ATG10: variants seen among roughly 807,000 people sequenced by gnomAD.
The protein encoded by ATG10 is ubiquitin-like-conjugating enzyme ATG10.
In ATG10, 30 loss-of-function variants were observed where a neutral mutation model predicts 32.1. The ratio of observed to expected loss-of-function variants is 0.94; its 90% CI spans 0.70 to 1.27. ATG10 has a LOEUF of 1.27. Among genes scored for constraint, ATG10 ranks in the 50% most tolerant of loss-of-function variants. The pLI is 0.00. For synonymous variants in ATG10, 87 were observed against 91.5 expected, an observed-to-expected ratio of 0.95 and a Z score of 0.28; for missense variants, 233 against 262.3, an observed-to-expected ratio of 0.89 and a Z score of 0.77.
chr5:81,980,066 C>T (rs1760992519), intron 1 of ATG10, among the ~76,000 whole-genome samples: 1 of 152,100 alleles, frequency 6.6e-6, no homozygotes, highest in Admixed American at 6.5e-5. Context: ...AGCTTCTATA[C>T]ATCTCTCTGT....
intron 2 of ATG10, among the ~76,000 whole-genome samples, chr5:82,010,444 A>G (rs772465025): frequency 3.3e-5 from 5 of 152,182 alleles, no homozygotes; most frequent in Non-Finnish European, 7.3e-5. Context: ...TTTTAGGAAC[A>G]TGCTAGGTGT....
At chr5:82,090,311 A>G (rs1764840623) in intron 3 of ATG10, among the ~76,000 whole-genome samples, 1 of 152,250 alleles carries the variant, frequency 6.6e-6, no homozygotes, top group Non-Finnish European at 1.5e-5. Context: ...CCTGTACACA[A>G]ATTTTTATAG....
At chr5:81,974,120 T>C (rs1325806412) in intron 1 of ATG10, among the ~76,000 whole-genome samples, 1 of 152,170 alleles carries the variant, frequency 6.6e-6, no homozygotes, top group Non-Finnish European at 1.5e-5. Flanking sequence ...TTTCTTAAGA[T>C]GGGCTTGATT....
chr5:82,007,900 A>C (rs1762028036), intron 2 of ATG10, among the ~76,000 whole-genome samples: 1 of 152,220 alleles, frequency 6.6e-6, no homozygotes, highest in South Asian at 2.1e-4. Context: ...TATCCACTTA[A>C]AATTTTAATC....
chr5:82,104,824 G>A (rs1055061188), intron 3 of ATG10, among the ~76,000 whole-genome samples: 1 of 151,946 alleles, frequency 6.6e-6, no homozygotes. Context: ...TCATATACAA[G>A]GTCTTTTGTT....
In ATG10 at chr5:82,122,680, C is replaced by T. The variant is rs191251307; in HGVS notation, c.217-41719C>T. On this transcript the variant is annotated intron_variant, in intron 3 of 7. Coordinates refer to ENST00000282185, the MANE Select transcript of ATG10 (RefSeq NM_031482.5). ...CAAATTTACAATAGAAAAACAATCC[C>T]GTTAAAAAGTGGGCAAAGGACATGA... Among the ~76,000 whole-genome samples, 345 of 152,162 alleles carry T rather than the reference C, an allele frequency of 2.3e-3. 1 individual carries two copies. Among genetic ancestry groups the T allele is most frequent in the African/African-American group, 7.3e-3 (303 of 41,530 alleles).
chr5:82,136,436 C>T (rs573321765), intron 3 of ATG10, among the ~76,000 whole-genome samples: 4 of 152,270 alleles, frequency 2.6e-5, no homozygotes, highest in East Asian at 1.9e-4. Context: ...GACAAAATCT[C>T]TCAGCATTTG....
chr5:82,170,468 C>T (rs76443701), intron 4 of ATG10, among the ~76,000 whole-genome samples: 7,513 of 152,156 alleles, frequency 0.049, 450 homozygotes, highest in African/African-American at 0.15. Flanking sequence ...GACTGCATTC[C>T]ATGAGAAGGA....
chr5:82,168,020 G>A (rs1000876355), intron 4 of ATG10, among the ~76,000 whole-genome samples: 2 of 152,044 alleles, frequency 1.3e-5, no homozygotes, highest in African/African-American at 4.8e-5. Context: ...GTGCCTTATA[G>A]TTTAGTAAAT....
intron 3 of ATG10, among the ~76,000 whole-genome samples, chr5:82,097,750 G>A (rs896924012): frequency 4.6e-5 from 7 of 151,936 alleles, no homozygotes; most frequent in Admixed American, 2.6e-4. Flanking sequence ...TGTTTGTATT[G>A]GTCAAAAAAC....
At chr5:82,211,959 G>A (rs1430375129) in intron 5 of ATG10, among the ~76,000 whole-genome samples, 3 of 152,080 alleles carry the variant, frequency 2.0e-5, no homozygotes, top group Non-Finnish European at 1.5e-5. Flanking sequence ...CCAAGCAATT[G>A]AACATCTCTG....
At chr5:82,110,418 A>T (rs1263909402) in intron 3 of ATG10, among the ~76,000 whole-genome samples, 1 of 152,188 alleles carries the variant, frequency 6.6e-6, no homozygotes, top group Admixed American at 6.5e-5. Context: ...TCCCACCACC[A>T]GTGTAAAAGC....
chr5:82,041,593 T>G (rs972103810), intron 2 of ATG10, among the ~76,000 whole-genome samples: 1 of 152,178 alleles, frequency 6.6e-6, no homozygotes, highest in African/African-American at 2.4e-5. Context: ...GAAATAGATC[T>G]AAACATATAG....
chr5:82,155,508 G>C (rs1309160644), intron 3 of ATG10, among the ~76,000 whole-genome samples: 2 of 152,116 alleles, frequency 1.3e-5, no homozygotes, highest in African/African-American at 4.8e-5. Flanking sequence ...TTTACATGTT[G>C]CCAGTGGCTG....
intron 2 of ATG10, among the ~76,000 whole-genome samples, chr5:82,015,140 T>G (rs1414818454): frequency 6.6e-6 from 1 of 152,216 alleles, no homozygotes; most frequent in Non-Finnish European, 1.5e-5. Flanking sequence ...TCTTTAAGAA[T>G]GTTGAATATT....
chr5:82,210,621 A>AT (rs892956816), intron 5 of ATG10, among the ~76,000 whole-genome samples: 22 of 151,602 alleles, frequency 1.5e-4, no homozygotes, highest in East Asian at 1.2e-3. Context: ...CTTCAAACAG[A>AT]TTTTTTTTTC....
chr5:82,248,401 T>G (rs1467555019), intron 5 of ATG10, among the ~76,000 whole-genome samples: 2 of 152,228 alleles, frequency 1.3e-5, no homozygotes, highest in Non-Finnish European at 2.9e-5. Context: ...TTATTGGCTC[T>G]TATGGCCAGA....
chr5:82,102,874 A>G (rs1378539173), intron 3 of ATG10, among the ~76,000 whole-genome samples: 3 of 152,156 alleles, frequency 2.0e-5, no homozygotes, highest in Non-Finnish European at 4.4e-5. Flanking sequence ...TTTTCACCCA[A>G]TTTTAATGCT....
chr5:82,121,674 G>A (rs1344558913), intron 3 of ATG10, among the ~76,000 whole-genome samples: 1 of 152,052 alleles, frequency 6.6e-6, no homozygotes, highest in Admixed American at 6.5e-5. Context: ...AAACATGAAG[G>A]GATGTTGAAT....
Sources: gnomAD v4.1 joint callset for allele counts (sites outside exome capture counted in the v4.1 genomes callset) on GRCh38, gnomAD v4.1.1 for gene constraint, MANE v1.5 for transcripts, NCBI Gene and HGNC (gene_info 2026-07-23, HGNC 2026-07-21) for gene names.